TYSND1: variants seen among roughly 807,000 people sequenced by gnomAD.
The protein encoded by TYSND1 is peroxisomal leader peptide-processing protease.
In TYSND1, 30 loss-of-function variants were observed where a neutral mutation model predicts 37.2. The observed-to-expected ratio is 0.81, with a 90% CI of 0.60 to 1.09. TYSND1 has a LOEUF of 1.09. TYSND1 is among the 50% of genes least tolerant of loss of function. The probability of loss-of-function intolerance (pLI) is 0.00; values close to 1 mark genes in which losing one functional copy is unlikely to be tolerated. For missense variants in TYSND1, 806 were observed against 817.4 expected, an observed-to-expected ratio of 0.99 and a Z score of 0.17; for synonymous variants, 364 against 383.8, an observed-to-expected ratio of 0.95 and a Z score of 0.60.
chr10:70,146,280 G>A lies in TYSND1; in HGVS notation c.307C>T (p.Pro103Ser). The A allele has an allele frequency of 6.1e-6, 9 of 1,472,094 alleles. No individual in the cohort carries two copies. The highest frequency in any genetic ancestry group is 8.0e-6 in the Non-Finnish European group (9 of 1,121,642). 91.2% of individuals were successfully genotyped at this position (1,472,094 alleles called of 1,614,324 possible). ...GCGCACTGGGGCGTGCACAGCCCTG[G>A]GCGGCCCCGCTCCGCGCCGCCCCCG... ...GPGGGAERGR[P>S]GLCTPQCASL... The change falls in exon 1 of 4, where the codon CCA becomes TCA. Residue 103 changes from proline (P) to serine (S), a missense_variant. Pro to Ser is a moderately conservative substitution (Grantham distance 74). Transcript: ENST00000287078.
chr10:70,142,101 A>G (rs2072786332), intron 3 of TYSND1, among the ~76,000 whole-genome samples: 1 of 151,660 alleles, frequency 6.6e-6, no homozygotes, highest in Non-Finnish European at 1.5e-5. Flanking sequence ...TTTCTAGATG[A>G]ACTCATGTTT....
intron 3 of TYSND1, among the ~76,000 whole-genome samples, chr10:70,140,478 G>A (rs1167605395): frequency 6.6e-6 from 1 of 152,108 alleles, no homozygotes; most frequent in African/African-American, 2.4e-5. Context: ...AGTGCCTTGT[G>A]CCAAGTAGGC....
rs1839211620 is a variant in TYSND1, at chr10:70,146,045, GCT to G, written c.540_541del (p.Arg180SerfsTer228). The G allele has an allele frequency of 5.0e-6, 8 of 1,602,672 alleles. No homozygotes were observed. The highest frequency in any genetic ancestry group is 1.7e-5 in the Admixed American group (1 of 58,896). ...GCCCAGCAGCGCAAACCAGCCCAGC[GCT>G]CTCAGTTGATCCGCCTCCTCGTCCT... On this transcript the variant is annotated frameshift_variant, in exon 1 of 4. Transcript: ENST00000287078. LOFTEE classifies it high-confidence loss of function.
rs906575610 is a variant in TYSND1, at chr10:70,139,708, A to T, written c.*216T>A. The T allele has an allele frequency of 7.3e-6, 4 of 546,012 alleles. No homozygotes were observed. The highest frequency in any genetic ancestry group is 1.9e-5 in the African/African-American group (1 of 52,320). 33.8% of individuals were successfully genotyped at this position (546,012 alleles called of 1,614,324 possible). A position where few individuals can be genotyped will look rare whatever the true frequency, so the allele number is the denominator to read the frequency against. On this transcript the variant is annotated 3_prime_UTR_variant, in exon 4 of 4. Transcript: ENST00000287078. ...GGACAGAGAACTGGGGGCTCAAGAAAGCACCCCAAAACGGGCTGCCAGGTT... is the reference window on the plus strand; with the variant it reads ...GGACAGAGAACTGGGGGCTCAAGAATGCACCCCAAAACGGGCTGCCAGGTT...
Position 70,139,824 on chromosome 10 carries a change from TGC to T in TYSND1, c.*98_*99del. On this transcript the variant is annotated 3_prime_UTR_variant, in exon 4 of 4. Coordinates refer to ENST00000287078, the MANE Select transcript of TYSND1 (RefSeq NM_173555.4). ...GGAGATGAGAGGCAGCCTGGGCCCC[TGC>T]AGGGGCTGGGCCCTGAATCCTGAGG... 1 of 1,236,040 alleles carries T rather than the reference TGC, an allele frequency of 8.1e-7. No homozygotes were observed. The highest frequency in any genetic ancestry group is 1.4e-5 in the South Asian group (1 of 70,900). 76.6% of individuals were successfully genotyped at this position (1,236,040 alleles called of 1,614,324 possible).
chr10:70,145,029 T>C (rs532040070), intron 1 of TYSND1, among the ~76,000 whole-genome samples: 1 of 152,212 alleles, frequency 6.6e-6, no homozygotes, highest in South Asian at 2.1e-4. Flanking sequence ...TCTGGGACCT[T>C]ATCACTTTCA....
At position 70,146,367 on chromosome 10, in the gene TYSND1, C is replaced by T; in HGVS notation, c.220G>A (p.Gly74Ser). Residue 74 changes from glycine (G) to serine (S), a missense_variant, in exon 1 of 4, where the codon GGC becomes AGC. This residue lies in a region of TYSND1 where 14 missense variants were observed against 33.0 expected (regional missense o/e 0.42). Coordinates refer to ENST00000287078, the MANE Select transcript of TYSND1 (RefSeq NM_173555.4). ...CGCAGGTCGTCCCTGCAACTGTCGC[C>T]AGGCAGGAAGACGGCGCCGGCCGCG... is the stretch of plus-strand genomic sequence containing the variant. ...LTAAGAVFLP[G>S]DSCRDDLRLH... is the part of the protein sequence containing the mutation. 1.9e-6 allele frequency: 3 copies of T among 1,559,648 alleles called. No homozygotes were observed. The highest frequency in any genetic ancestry group is 2.6e-6 in the Non-Finnish European group (3 of 1,159,080).
Position 70,145,669 on chromosome 10 carries a change from G to C in TYSND1, c.918C>G (p.Ala306=). 1.4e-6 allele frequency: 2 copies of C among 1,387,764 alleles called. No homozygotes were observed. The highest frequency in any genetic ancestry group is 9.3e-7 in the Non-Finnish European group (1 of 1,080,404). The allele number at this position is 1,387,764 out of a possible 1,614,324, so 86.0% of individuals were successfully genotyped here. A position where few individuals can be genotyped will look rare whatever the true frequency, so the allele number is the denominator to read the frequency against. The change falls in exon 1 of 4, where the codon GCC becomes GCG. Residue 306 remains alanine, a synonymous_variant. Coordinates refer to ENST00000287078, the MANE Select transcript of TYSND1 (RefSeq NM_173555.4). ...GCGGCAGGCGGTGAAGCGCGTCGCG[G>C]GCGGCGCGGAAAAGGGGGGCGGCGG... ...LCAAAPLFRA[A]RDALHRLPHS...
chr10:70,143,736 C>A, intron 2 of TYSND1, 106 bp downstream of exon 2: 1 of 1,425,628 alleles, frequency 7.0e-7, no homozygotes, highest in Admixed American at 2.1e-5. Context: ...AGGACCTTGA[C>A]CAATGCTACC....
Position 70,145,555 on chromosome 10 carries a change from T to C in TYSND1, c.1032A>G (p.Ala344=), listed in dbSNP as rs1176014618. 5 of 1,494,130 alleles carry C rather than the reference T, an allele frequency of 3.3e-6. No homozygotes were observed. Among genetic ancestry groups the C allele is most frequent in the African/African-American group, 1.4e-5 (1 of 69,268 alleles). The allele number at this position is 1,494,130 out of a possible 1,614,324, so 92.6% of individuals were successfully genotyped here. A position where few individuals can be genotyped will look rare whatever the true frequency, so the allele number is the denominator to read the frequency against. ...CGCACTCCACCAACACTGCCGCGGC[T>C]GCCCACAGGGGCCCGGAGTCTCGGA... ...LPLRDSGPLW[A]AAAVLVECGT... The change falls in exon 1 of 4, where the codon GCA becomes GCG. Residue 344 remains alanine, a synonymous_variant. Coordinates refer to ENST00000287078, the MANE Select transcript of TYSND1 (RefSeq NM_173555.4).
chr10:70,145,688 G>A lies in TYSND1; in HGVS notation c.899C>T (p.Ala300Val), dbSNP rs1213793520. ...GTCGCGGGCGGCGCGGAAAAGGGGG[G>A]CGGCGGCGCAGAGCAGCGTGAAGCC... ...WVGFTLLCAA[A>V]PLFRAARDAL... Residue 300 changes from alanine to valine, a missense_variant, in exon 1 of 4, where the codon GCC becomes GTC. Physicochemically the swap from Ala to Val is moderately conservative, Grantham distance 64. Around this residue, in one of 3 missense-constraint regions of TYSND1, gnomAD observed 708 missense variants for 705.4 expected, o/e 1.00. Transcript: ENST00000287078. 10 of 1,387,648 alleles carry A rather than the reference G, an allele frequency of 7.2e-6. No homozygotes were observed. The highest frequency in any genetic ancestry group is 9.3e-6 in the Non-Finnish European group (10 of 1,080,116). 86.0% of individuals were successfully genotyped at this position (1,387,648 alleles called of 1,614,324 possible).
chr10:70,143,807 G>A, intron 2 of TYSND1, 35 bp downstream of exon 2: 1 of 1,612,400 alleles, frequency 6.2e-7, no homozygotes, highest in Non-Finnish European at 8.5e-7. Context: ...TAGCTCAGAG[G>A]GGCCCTCCTT....
chr10:70,143,833 G>A lies in TYSND1; in HGVS notation c.1297+9C>T, dbSNP rs369603107. On this transcript the variant is annotated intron_variant, in intron 2 of 3. Coordinates refer to ENST00000287078, the MANE Select transcript of TYSND1 (RefSeq NM_173555.4). ...GGCCCTCCTTCAGGCTGCGCCCTTC[G>A]TCCTTTACCTTCATGGAAGTGCTCA... 5.1e-5 allele frequency: 83 copies of A among 1,613,804 alleles called. No individual in the cohort carries two copies. Among genetic ancestry groups the A allele is most frequent in the African/African-American group, 2.7e-4 (20 of 74,906 alleles).
chr10:70,144,709 T>C (rs1462014203), intron 1 of TYSND1: 7 of 985,664 alleles, frequency 7.1e-6, no homozygotes, highest in Non-Finnish European at 8.4e-6. Context: ...CCACACACCA[T>C]AGGCAAACCT....
At chr10:70,143,556 C>T (rs879453629) in intron 2 of TYSND1, among the ~76,000 whole-genome samples, 1 of 152,230 alleles carries the variant, frequency 6.6e-6, no homozygotes, top group African/African-American at 2.4e-5. Flanking sequence ...GCCCCTGGAG[C>T]CTTGAAAGTG....
Position 70,146,353 on chromosome 10 carries a change from C to A in TYSND1, c.234G>T (p.Arg78Ser). The A allele has an allele frequency of 6.5e-7, 1 of 1,547,892 alleles. No individual in the cohort carries two copies. Among genetic ancestry groups the A allele is most frequent in the South Asian group, 1.2e-5 (1 of 84,726 alleles). The change falls in exon 1 of 4, where the codon AGG becomes AGT. Residue 78 changes from arginine to serine, a missense_variant. By Grantham distance (110) the Arg-to-Ser change is moderately radical (BLOSUM62 -1). Around this residue, in one of 3 missense-constraint regions of TYSND1, gnomAD observed 14 missense variants for 33.0 expected, o/e 0.42. Coordinates refer to ENST00000287078, the MANE Select transcript of TYSND1 (RefSeq NM_173555.4). Reference protein sequence around the residue: ...GAVFLPGDSCRDDLRLHVQWA... With the variant: ...GAVFLPGDSCSDDLRLHVQWA... ...ACTGCACGTGCAGGCGCAGGTCGTC[C>A]CTGCAACTGTCGCCAGGCAGGAAGA...
chr10:70,144,271 A>T, intron 1 of TYSND1: 1 of 351,232 alleles, frequency 2.8e-6, no homozygotes. Context: ...AGTCTTCACG[A>T]CCCTATAAAC....
intron 1 of TYSND1, among the ~76,000 whole-genome samples, chr10:70,145,162 A>G (rs2072861221): frequency 6.6e-6 from 1 of 152,136 alleles, no homozygotes; most frequent in African/African-American, 2.4e-5. Flanking sequence ...GGGGAGCTCA[A>G]AGATGCCCTG....
chr10:70,140,192 G>C (rs753955256), intron 3 of TYSND1, 51 bp from the exon 4 acceptor site: 5 of 1,488,532 alleles, frequency 3.4e-6, no homozygotes, highest in Middle Eastern at 1.8e-4. Flanking sequence ...GGGCAGAAAG[G>C]CTGGAGAAGG....
Sources: gnomAD v4.1 joint callset for allele counts (sites outside exome capture counted in the v4.1 genomes callset) on GRCh38, gnomAD v4.1.1 for gene constraint, gnomAD v4.1.1 regional missense constraint, MANE v1.5 for transcripts, NCBI Gene and HGNC (gene_info 2026-07-23, HGNC 2026-07-21) for gene names.